The following KYAT3 variants were observed in gnomAD, a reference collection of about 807,000 sequenced individuals.
The protein encoded by KYAT3 is kynurenine--oxoglutarate transaminase 3.
Under a neutral mutation model 59.0 loss-of-function variants are expected in KYAT3, and 50 were observed. That is an observed-to-expected ratio of 0.85 (90% CI 0.68 to 1.07). KYAT3 has a LOEUF of 1.07. Ranked by LOEUF, KYAT3 falls within the 50% of genes least tolerant of loss-of-function variation. The pLI is 0.00. For synonymous variants in KYAT3, 148 were observed against 177.0 expected, an observed-to-expected ratio of 0.84 and a Z score of 1.30; for missense variants, 497 against 533.3, an observed-to-expected ratio of 0.93 and a Z score of 0.67.
chr1:88,938,242 C>T (rs1386659756), intron 13 of KYAT3, among the ~76,000 whole-genome samples: 1 of 152,190 alleles, frequency 6.6e-6, no homozygotes, highest in Non-Finnish European at 1.5e-5. Context: ...TAAAGTAAGT[C>T]AGCTTCCCAC....
intron 8 of KYAT3, among the ~76,000 whole-genome samples, chr1:88,956,583 T>C (rs1235131720): frequency 6.6e-6 from 1 of 152,146 alleles, no homozygotes; most frequent in African/African-American, 2.4e-5. Flanking sequence ...GTGTGATAAA[T>C]GCTGTAGTAG....
intron 2 of KYAT3, among the ~76,000 whole-genome samples, chr1:88,975,917 C>T (rs1224047166): frequency 6.6e-6 from 1 of 152,102 alleles, no homozygotes; most frequent in Admixed American, 6.6e-5. Context: ...TGCCTGTAGT[C>T]CCAGCTACTC....
At chr1:88,979,449 G>A (rs1676964078) in intron 2 of KYAT3, 1 of 152,104 alleles carries the variant, frequency 6.6e-6, no homozygotes, top group South Asian at 2.1e-4. Flanking sequence ...AAGTATTTAC[G>A]AACATGTGTC....
intron 10 of KYAT3, among the ~76,000 whole-genome samples, chr1:88,951,239 C>G (rs941644615): frequency 4.2e-5 from 6 of 144,530 alleles, no homozygotes; most frequent in African/African-American, 1.5e-4. Context: ...TCTTTCTTTT[C>G]TTTTTTTTTT....
At chr1:88,936,314 A>C (rs1675036944) in intron 13 of KYAT3, 69 bp from the exon 14 acceptor site, 5 of 1,126,656 alleles carry the variant, frequency 4.4e-6, no homozygotes, top group Non-Finnish European at 5.2e-6. Context: ...AAAGATTTAA[A>C]TATACAACAT....
chr1:88,954,767 TTAC>T (rs1675834765), intron 9 of KYAT3, among the ~76,000 whole-genome samples: 1 of 152,198 alleles, frequency 6.6e-6, no homozygotes, highest in Non-Finnish European at 1.5e-5. Flanking sequence ...ATTTATTTGT[TTAC>T]TTATTTATTT....
intron 2 of KYAT3, 84 bp downstream of exon 2, chr1:88,988,167 TG>T: frequency 2.4e-6 from 2 of 819,144 alleles, no homozygotes; most frequent in Non-Finnish European, 4.0e-6. Flanking sequence ...ATAAAGTATT[TG>T]TAAAAAAGCA....
chr1:88,933,003 C>T (rs1029035442), downstream of KYAT3, among the ~76,000 whole-genome samples: 9 of 152,204 alleles, frequency 5.9e-5, no homozygotes, highest in Admixed American at 2.6e-4. Context: ...AAGTATTGCA[C>T]TGTCTATTCC....
chr1:88,988,426 G>A, intron 1 of KYAT3, 75 bp from the exon 2 acceptor site: 1 of 809,026 alleles, frequency 1.2e-6, no homozygotes, highest in South Asian at 1.7e-5. Flanking sequence ...CTTACAGCTA[G>A]CTGATGTATC....
At chr1:88,964,555 C>A (rs908025927) in intron 5 of KYAT3, 2 of 353,682 alleles carry the variant, frequency 5.7e-6, no homozygotes, top group Non-Finnish European at 5.3e-6. Context: ...AGAGTACTTA[C>A]CTCTGGGAGA....
intron 2 of KYAT3, chr1:88,982,809 T>C (rs1201599677): frequency 6.2e-7 from 1 of 1,613,994 alleles, no homozygotes; most frequent in Non-Finnish European, 8.5e-7. Flanking sequence ...CTGCCAACCC[T>C]GTCACAACTT....
intron 9 of KYAT3, among the ~76,000 whole-genome samples, chr1:88,954,068 A>AT (rs1294131850): frequency 4.6e-5 from 7 of 151,842 alleles, no homozygotes; most frequent in South Asian, 4.1e-4. Flanking sequence ...CGCCCAGCTA[A>AT]TTTTTTTGTA....
chr1:88,980,652 G>GTC (rs1019727510), intron 2 of KYAT3: 4 of 152,400 alleles, frequency 2.6e-5, no homozygotes, highest in African/African-American at 9.7e-5. Flanking sequence ...TCAAACAGGT[G>GTC]TCTGGTCATT....
At position 88,968,760 on chromosome 1, in the gene KYAT3, G is replaced by T. The variant is rs148194806; in HGVS notation, c.213C>A (p.Gly71=). 88 of 1,597,466 alleles carry T rather than the reference G, an allele frequency of 5.5e-5. 1 individual carries two copies. The African/African-American group carries it at 1.1e-3, about 21-fold the overall frequency. ...ADPSVVNLGQ[G]FPDISPPTYV... Reference sequence around the variant, plus strand: ...ATGTAGGAGGGGATATATCTGGAAAGCCTTGGCCAAGATTCACAACAGAAG... The same window carrying T: ...ATGTAGGAGGGGATATATCTGGAAATCCTTGGCCAAGATTCACAACAGAAG... The change falls in exon 4 of 14, where the codon GGC becomes GGA. Residue 71 remains glycine (G), a synonymous_variant. Transcript: ENST00000260508.
At chr1:88,931,759 C>G (rs1480326446), downstream of KYAT3, among the ~76,000 whole-genome samples, 2 of 151,752 alleles carry the variant, frequency 1.3e-5, no homozygotes, top group African/African-American at 2.4e-5. Context: ...ATCTTATCAC[C>G]TGAGAGCACA....
In KYAT3 at chr1:88,943,388, A is replaced by G; in HGVS notation, c.1177T>C (p.Tyr393His). The G allele has an allele frequency of 6.3e-7, 1 of 1,586,794 alleles. No individual in the cohort carries two copies. Among genetic ancestry groups the G allele is most frequent in the Non-Finnish European group, 8.6e-7 (1 of 1,164,134 alleles). Residue 393 changes from tyrosine (Y) to histidine (H), a missense_variant, in exon 12 of 14, where the codon TAT becomes CAT. Transcript: ENST00000260508. The part of the protein sequence containing the change: ...DLSDMKNNEP[Y>H]DYKFVKWMTK... Reference sequence around the variant, plus strand: ...ATCCATTTCACAAACTTATAGTCATAAGGCTCATTATTCTTCATATCAGAG... The same window carrying G: ...ATCCATTTCACAAACTTATAGTCATGAGGCTCATTATTCTTCATATCAGAG...
In KYAT3 at chr1:88,976,036, GA is replaced by G. The variant is rs67331903; in HGVS notation, c.100-6570del. Among the ~76,000 whole-genome samples, 284 of 141,934 alleles carry G rather than the reference GA, an allele frequency of 2.0e-3. 1 individual carries two copies. Among genetic ancestry groups the G allele is most frequent in the African/African-American group, 7.1e-3 (266 of 37,406 alleles). The allele number at this position is 141,934 out of a possible 152,430, so 93.1% of individuals were successfully genotyped here. The stretch of plus-strand genomic sequence containing the variant: ...GTGACAGAGCGAGACTCCATCTCAA[GA>G]AAAAAAAAAGAGTATATGGAGGTAA... On this transcript the variant is annotated intron_variant, in intron 2 of 13. Transcript: ENST00000260508.
intron 2 of KYAT3, among the ~76,000 whole-genome samples, chr1:88,987,470 T>C (rs1393546165): frequency 6.6e-6 from 1 of 152,160 alleles, no homozygotes; most frequent in Admixed American, 6.5e-5. Flanking sequence ...GTTGAGAGAT[T>C]AGAATTAGGT....
chr1:88,954,177 C>T (rs1353175927), intron 9 of KYAT3, among the ~76,000 whole-genome samples: 5 of 152,142 alleles, frequency 3.3e-5, no homozygotes, highest in Non-Finnish European at 7.4e-5. Context: ...GGATTACAGG[C>T]GTGCGCTACC....
Sources: gnomAD v4.1 joint callset for allele counts (sites outside exome capture counted in the v4.1 genomes callset) on GRCh38, gnomAD v4.1.1 for gene constraint, MANE v1.5 for transcripts, NCBI Gene and HGNC (gene_info 2026-07-23, HGNC 2026-07-21) for gene names.